Variants in DOK5 observed in about 807,000 individuals in gnomAD.
DOK5 encodes downstream of tyrosine kinase 5.
Under a neutral mutation model 43.3 loss-of-function variants are expected in DOK5, and 27 were observed. That is an observed-to-expected ratio of 0.62 (90% CI 0.46 to 0.86). The LOEUF (loss-of-function observed/expected upper bound fraction) is 0.86, where lower values mean the gene tolerates loss of function less well. DOK5 is among the 40% of genes least tolerant of loss of function. DOK5 has a pLI of 0.00. For synonymous variants in DOK5, 146 were observed against 140.1 expected, an observed-to-expected ratio of 1.04 and a Z score of -0.30; for missense variants, 373 against 392.9, an observed-to-expected ratio of 0.95 and a Z score of 0.43.
At chr20:54,476,953 G>T (rs574795393) in intron 1 of DOK5, among the ~76,000 whole-genome samples, 25 of 148,578 alleles carry the variant, frequency 1.7e-4, no homozygotes, top group Non-Finnish European at 3.2e-4. Flanking sequence ...TTCAAACTAG[G>T]TCCCTCATTT....
At chr20:54,496,062 G>A (rs576688131) in intron 1 of DOK5, among the ~76,000 whole-genome samples, 3 of 152,150 alleles carry the variant, frequency 2.0e-5, no homozygotes, top group Non-Finnish European at 4.4e-5. Flanking sequence ...GAGATTGGAC[G>A]TTTTATTGGC....
chr20:54,581,546 T>C (rs990506217), intron 2 of DOK5, among the ~76,000 whole-genome samples: 2 of 151,964 alleles, frequency 1.3e-5, no homozygotes, highest in African/African-American at 4.8e-5. Context: ...TTTATCTGTG[T>C]CTTTTAAAAT....
At chr20:54,641,590 C>T (rs6064098) in intron 6 of DOK5, among the ~76,000 whole-genome samples, 1 of 151,144 alleles carries the variant, frequency 6.6e-6, no homozygotes, top group Non-Finnish European at 1.5e-5. Flanking sequence ...TCTCCATCTC[C>T]ATTTTTCCCC....
At chr20:54,557,708 G>A (rs7260753) in intron 2 of DOK5, among the ~76,000 whole-genome samples, 1,777 of 152,186 alleles carry the variant, frequency 0.012, 32 homozygotes, top group African/African-American at 0.041. Context: ...CTCTCCCCCA[G>A]GTACCCACAG....
At chr20:54,629,645 T>A (rs1978472403) in intron 6 of DOK5, among the ~76,000 whole-genome samples, 1 of 152,236 alleles carries the variant, frequency 6.6e-6, no homozygotes, top group East Asian at 1.9e-4. Flanking sequence ...AGAACTAGTC[T>A]TTGTCCTCAA....
chr20:54,607,917 A>AAAACAAACC (rs1804973624), intron 5 of DOK5, among the ~76,000 whole-genome samples: 1 of 151,898 alleles, frequency 6.6e-6, no homozygotes, highest in East Asian at 1.9e-4. Flanking sequence ...AAAACAAAAC[A>AAAACAAACC]AAACAAAACA....
At chr20:54,527,647 G>A (rs1013383195) in intron 1 of DOK5, among the ~76,000 whole-genome samples, 3 of 152,186 alleles carry the variant, frequency 2.0e-5, no homozygotes, top group Admixed American at 6.5e-5. Flanking sequence ...GTGGAAGTGA[G>A]TAGAAATGGA....
intron 2 of DOK5, among the ~76,000 whole-genome samples, chr20:54,578,655 CTCTT>C (rs1265776194): frequency 2.0e-5 from 3 of 152,262 alleles, no homozygotes; most frequent in African/African-American, 7.2e-5. Context: ...GTTATCAAAA[CTCTT>C]TCTGTTAGTA....
chr20:54,511,192 G>A (rs1462349271), intron 1 of DOK5, among the ~76,000 whole-genome samples: 1 of 152,102 alleles, frequency 6.6e-6, no homozygotes, highest in African/African-American at 2.4e-5. Context: ...TTGTGACTTT[G>A]GGCAAGTGGA....
Position 54,475,757 on chromosome 20 carries a change from C to T in DOK5, c.-190C>T. On this transcript the variant is annotated 5_prime_UTR_variant, in exon 1 of 8. Coordinates refer to ENST00000262593, the MANE Select transcript of DOK5 (RefSeq NM_018431.5). This position sits in a 1 kb window ranked among gnomAD's most constrained non-coding sequence, Gnocchi z 4.2. Reference sequence around the variant, plus strand: ...CCCGAAAGTGGCTGCAAGCCGGCCGCCCACTGTCAGGGTTGGGGGGACAGA... The same window carrying T: ...CCCGAAAGTGGCTGCAAGCCGGCCGTCCACTGTCAGGGTTGGGGGGACAGA... The T allele has an allele frequency of 1.4e-6, 1 of 704,144 alleles. No homozygotes were observed. Among genetic ancestry groups the T allele is most frequent in the South Asian group, 1.9e-5 (1 of 51,548 alleles). The allele number at this position is 704,144 out of a possible 1,614,324, so 43.6% of individuals were successfully genotyped here. A position where few individuals can be genotyped will look rare whatever the true frequency, so the allele number is the denominator to read the frequency against.
intron 7 of DOK5, among the ~76,000 whole-genome samples, chr20:54,644,023 C>T (rs1482224002): frequency 6.6e-6 from 1 of 152,130 alleles, no homozygotes; most frequent in African/African-American, 2.4e-5. Context: ...TTCCCCAGAC[C>T]TACTGAATCA....
At chr20:54,591,579 CT>C in intron 4 of DOK5, 36 bp from the exon 5 acceptor site, 1 of 1,465,464 alleles carries the variant, frequency 6.8e-7, no homozygotes, top group Non-Finnish European at 9.2e-7. Flanking sequence ...TGTTTTATTC[CT>C]GGGGATTTTA....
At chr20:54,481,882 T>C (rs1397265436) in intron 1 of DOK5, among the ~76,000 whole-genome samples, 1 of 152,186 alleles carries the variant, frequency 6.6e-6, no homozygotes. Context: ...TAGATGATGA[T>C]CATAAAGAGC....
intron 7 of DOK5, among the ~76,000 whole-genome samples, chr20:54,647,114 A>C (rs745595079): frequency 6.6e-6 from 1 of 152,162 alleles, no homozygotes; most frequent in Non-Finnish European, 1.5e-5. Context: ...GACATACCTA[A>C]TCTACCTTCA....
intron 2 of DOK5, among the ~76,000 whole-genome samples, chr20:54,574,791 A>G (rs1380467013): frequency 6.6e-6 from 1 of 152,198 alleles, no homozygotes; most frequent in African/African-American, 2.4e-5. Context: ...TGCAGAGGAA[A>G]GCCTTAGATG....
At chr20:54,595,651 A>G (rs1986117159) in intron 5 of DOK5, among the ~76,000 whole-genome samples, 1 of 152,228 alleles carries the variant, frequency 6.6e-6, no homozygotes, top group Admixed American at 6.5e-5. Context: ...TATCTCCAAT[A>G]TCGTAGGGAC....
In DOK5 at chr20:54,480,969, CATCT is replaced by C. The variant is rs1316375907; in HGVS notation, c.66+4969_66+4972del. ...TATCTATCATCTATCTATCATCTAT[CATCT>C]ATCTATCTATCATCTATCATCTATC... On this transcript the variant is annotated intron_variant, in intron 1 of 7. Coordinates refer to ENST00000262593, the MANE Select transcript of DOK5 (RefSeq NM_018431.5). 7.6e-3 allele frequency among the ~76,000 whole-genome samples: 775 copies of C among 101,918 alleles called. 57 individuals carry two copies. The highest frequency in any genetic ancestry group is 0.03 in the African/African-American group (720 of 23,736). 66.9% of individuals were successfully genotyped at this position (101,918 alleles called of 152,430 possible).
chr20:54,475,926 G>A lies in DOK5; in HGVS notation c.-21G>A. On this transcript the variant is annotated 5_prime_UTR_variant, in exon 1 of 8. Transcript: ENST00000262593. The surrounding 1 kb of genome is among the most constrained non-coding windows in gnomAD (Gnocchi z 4.2). ...TCGGGTGCGCGCTCTTGGGTAAAGG[G>A]GGGGTCACCGGCTGTCTGGGATGGC... 6 of 1,612,700 alleles carry A rather than the reference G, an allele frequency of 3.7e-6. No homozygotes were observed. The highest frequency in any genetic ancestry group is 4.2e-6 in the Non-Finnish European group (5 of 1,179,808).
intron 5 of DOK5, among the ~76,000 whole-genome samples, chr20:54,595,304 C>T (rs1986107930): frequency 6.6e-6 from 1 of 152,036 alleles, no homozygotes; most frequent in South Asian, 2.1e-4. Context: ...CCTGCCACTG[C>T]ACTCCAGCCT....
Sources: allele counts gnomAD v4.1 joint callset (sites outside exome capture counted in the v4.1 genomes callset), GRCh38; gene constraint gnomAD v4.1.1; non-coding constraint Gnocchi (gnomAD v3.1); transcripts MANE v1.5; gene names NCBI Gene and HGNC (gene_info 2026-07-23, HGNC 2026-07-21).